MARK3: variants seen among roughly 807,000 people sequenced by gnomAD.
MARK3 encodes microtubule affinity regulating kinase 3, also known as MAP/microtubule affinity-regulating kinase 3.
MARK3 carries 46 observed loss-of-function variants against 90.1 expected under a neutral mutation model. That is an observed-to-expected ratio of 0.51 (90% CI 0.40 to 0.65). The LOEUF (loss-of-function observed/expected upper bound fraction) is 0.65, where lower values mean the gene tolerates loss of function less well. Among genes scored for constraint, MARK3 ranks in the 30% least tolerant of loss-of-function variants. The pLI is 0.00. For synonymous variants in MARK3, 321 were observed against 332.6 expected (o/e 0.97, Z 0.38); for missense variants, 818 against 947.2 (o/e 0.86, Z 1.79).
chr14:103,424,227 C>T (rs2092324079), intron 2 of MARK3, among the ~76,000 whole-genome samples: 1 of 150,666 alleles, frequency 6.6e-6, no homozygotes. Context: ...AAAAAAAACG[C>T]AGAATCAGAA....
rs1566894538 is a variant in MARK3, at chr14:103,466,093, T to TA, written c.897+4dup. On this transcript the variant is annotated splice_region_variant and intron_variant, in intron 9 of 17. Transcript: ENST00000429436. ...CCAATTAAACGCGGCACTCTAGAGG[T>TA]AATCATGTAGGTGGAAACAAGCAGT... 1 of 1,612,162 alleles carries TA rather than the reference T, an allele frequency of 6.2e-7. No individual in the cohort carries two copies. Among genetic ancestry groups the TA allele is most frequent in the Admixed American group, 1.7e-5 (1 of 59,450 alleles).
At chr14:103,422,433 C>T (rs921478813) in intron 2 of MARK3, among the ~76,000 whole-genome samples, 7 of 152,176 alleles carry the variant, frequency 4.6e-5, no homozygotes, top group Middle Eastern at 3.4e-3. Flanking sequence ...CCAGCCTGGG[C>T]GATAGAGCAA....
At chr14:103,500,661 G>A (rs1338411037) in intron 17 of MARK3, among the ~76,000 whole-genome samples, 4 of 151,138 alleles carry the variant, frequency 2.6e-5, no homozygotes, top group African/African-American at 4.9e-5. Context: ...ACACGGTGTC[G>A]CTCTGTCACC....
intron 2 of MARK3, among the ~76,000 whole-genome samples, chr14:103,410,021 T>A (rs1054166543): frequency 7.9e-5 from 12 of 152,244 alleles, no homozygotes; most frequent in Non-Finnish European, 1.8e-4. Flanking sequence ...TAAAAAGTGA[T>A]GTACCTACTT....
At chr14:103,420,109 A>G (rs2092144408) in intron 2 of MARK3, among the ~76,000 whole-genome samples, 1 of 152,240 alleles carries the variant, frequency 6.6e-6, no homozygotes, top group African/African-American at 2.4e-5. Context: ...ATAACTAAAA[A>G]GCATAAAAAC....
intron 15 of MARK3, among the ~76,000 whole-genome samples, chr14:103,492,358 G>A (rs954676247): frequency 3.3e-5 from 5 of 152,094 alleles, no homozygotes; most frequent in South Asian, 2.1e-4. Flanking sequence ...GTTCTGGTGT[G>A]GGGTGGGGGG....
intron 7 of MARK3, among the ~76,000 whole-genome samples, chr14:103,462,802 T>C (rs564169000): frequency 4.3e-4 from 66 of 152,228 alleles, no homozygotes; most frequent in Non-Finnish European, 6.6e-4. Context: ...ATCAGTATTC[T>C]CTCCCGTTAA....
rs34252723 is a variant in MARK3 at position 103,397,326 on chromosome 14, AT to A, written c.52-7732del. Among the ~76,000 whole-genome samples, 673 of 133,058 alleles carry A rather than the reference AT, an allele frequency of 5.1e-3. 2 individuals are homozygous for A. The highest frequency in any genetic ancestry group is 0.014 in the African/African-American group (494 of 35,788). 87.3% of individuals were successfully genotyped at this position (133,058 alleles called of 152,430 possible). On this transcript the variant is annotated intron_variant, in intron 1 of 17. Coordinates refer to ENST00000429436, the MANE Select transcript of MARK3 (RefSeq NM_001128918.3). ...ACTAGCCGAAAGTTACTGAATAAACATTTTTTTTTTTTTTTTTTGAGATGAA... is the reference window on the plus strand; with the variant it reads ...ACTAGCCGAAAGTTACTGAATAAACATTTTTTTTTTTTTTTTTGAGATGAA...
chr14:103,386,327 G>A, intron 1 of MARK3: 1 of 696,026 alleles, frequency 1.4e-6, no homozygotes, highest in Non-Finnish European at 2.6e-6. Flanking sequence ...AAGCCCAGGA[G>A]TTGCAGCGTT....
intron 1 of MARK3, among the ~76,000 whole-genome samples, chr14:103,397,291 C>G (rs2090637282): frequency 6.6e-6 from 1 of 151,612 alleles, no homozygotes; most frequent in Admixed American, 6.6e-5. Context: ...TAATGCCTAC[C>G]ATATAGTTGA....
intron 2 of MARK3, among the ~76,000 whole-genome samples, chr14:103,414,831 A>G (rs1408060167): frequency 6.6e-6 from 1 of 152,158 alleles, no homozygotes; most frequent in Non-Finnish European, 1.5e-5. Flanking sequence ...GATGTCGTGA[A>G]CATAAAAGAT....
chr14:103,424,299 G>T (rs1428364595), intron 2 of MARK3, among the ~76,000 whole-genome samples: 2 of 152,030 alleles, frequency 1.3e-5, no homozygotes, highest in Admixed American at 6.6e-5. Flanking sequence ...TCGGGAGGCT[G>T]AGGTGGGCAG....
chr14:103,403,182 T>A (rs1239005278), intron 1 of MARK3, among the ~76,000 whole-genome samples: 1 of 152,172 alleles, frequency 6.6e-6, no homozygotes, highest in Non-Finnish European at 1.5e-5. Flanking sequence ...TGCAAAAAGC[T>A]TTTTTAACAA....
At chr14:103,465,844 A>G in intron 8 of MARK3, 51 bp downstream of exon 8, 1 of 1,560,332 alleles carries the variant, frequency 6.4e-7, no homozygotes, top group Non-Finnish European at 8.7e-7. Flanking sequence ...AAGTTTCCTA[A>G]TATTACATGG....
chr14:103,465,782 CA>C lies in MARK3; in HGVS notation c.770del (p.Asn257ThrfsTer2). 1 of 1,613,320 alleles carries C rather than the reference CA, an allele frequency of 6.2e-7. No individual in the cohort carries two copies. Among genetic ancestry groups the C allele is most frequent in the Non-Finnish European group, 8.5e-7 (1 of 1,179,444 alleles). On this transcript the variant is annotated frameshift_variant, in exon 8 of 18. Transcript: ENST00000429436. LOFTEE classifies it high-confidence loss of function. ...LVSGSLPFDG[Q>X]NLKELRERVL... ...CAGTGGCTCACTTCCCTTTGATGGG[CA>C]AAACCTAAAGGTATAAGAAGCTGCA...
intron 17 of MARK3, 141 bp downstream of exon 17, chr14:103,500,341 G>A: frequency 1.6e-6 from 1 of 618,700 alleles, no homozygotes; most frequent in South Asian, 2.0e-5. Flanking sequence ...CCACAAGGGG[G>A]CGCCAGCCTG....
chr14:103,441,119 T>C (rs2092841610), intron 3 of MARK3, among the ~76,000 whole-genome samples: 1 of 152,164 alleles, frequency 6.6e-6, no homozygotes, highest in African/African-American at 2.4e-5. Context: ...TATCATTATA[T>C]ATCATGGATA....
intron 3 of MARK3, among the ~76,000 whole-genome samples, chr14:103,435,729 G>T (rs903846657): frequency 6.7e-6 from 1 of 149,388 alleles, no homozygotes; most frequent in Admixed American, 6.7e-5. Context: ...TATTGATTGA[G>T]TGATTGATTG....
chr14:103,477,629 C>G (rs1200108813), intron 13 of MARK3, among the ~76,000 whole-genome samples: 1 of 151,948 alleles, frequency 6.6e-6, no homozygotes, highest in Non-Finnish European at 1.5e-5. Flanking sequence ...ATTTGGTACA[C>G]TCACAGTATT....
Sources: gnomAD v4.1 joint callset for allele counts (sites outside exome capture counted in the v4.1 genomes callset) on GRCh38, gnomAD v4.1.1 for gene constraint, MANE v1.5 for transcripts, NCBI Gene and HGNC (gene_info 2026-07-23, HGNC 2026-07-21) for gene names.